The following HDAC8 variants were observed in gnomAD, a reference collection of about 807,000 sequenced individuals.
The protein encoded by HDAC8 is histone deacetylase-like 1.
Under a neutral mutation model 32.2 loss-of-function variants are expected in HDAC8, and 1 was observed. That is an observed-to-expected ratio of 0.03 (90% CI 0.01 to 0.15). HDAC8 has a LOEUF of 0.15. HDAC8 is among the 10% of genes least tolerant of loss of function. The pLI is 1.00. For missense variants in HDAC8, 117 were observed against 300.0 expected (o/e 0.39, Z 4.51); for synonymous variants, 108 against 113.9 (o/e 0.95, Z 0.33).
At chrX:72,404,892 C>T (rs1291109298) in intron 9 of HDAC8, among the ~76,000 whole-genome samples, 1 of 110,758 alleles carries the variant, frequency 9.0e-6, no homozygotes, top group Non-Finnish European at 1.9e-5. Flanking sequence ...CCTGAATCTG[C>T]AGATTGTTGT....
In HDAC8 at chrX:72,572,707, T is replaced by C. The variant is rs782071646; in HGVS notation, c.55A>G (p.Ile19Val). ...DSGQSLVPVY[I>V]YSPEYVSMCD... ...ATACTGACATACTCGGGACTATAGA[T>C]ATAAACCGGGACCAGCGACTGCCCA... The change falls in exon 1 of 11, where the codon ATC becomes GTC. Residue 19 changes from isoleucine (I) to valine (V), a missense_variant. Ile to Val is a conservative substitution (Grantham distance 29). Coordinates refer to ENST00000373573, the MANE Select transcript of HDAC8 (RefSeq NM_018486.3). 2 of 1,182,497 alleles carry C rather than the reference T, an allele frequency of 1.7e-6. No individual in the cohort carries two copies. Among genetic ancestry groups the C allele is most frequent in the Admixed American group, 4.5e-5 (2 of 44,052 alleles).
intron 9 of HDAC8, among the ~76,000 whole-genome samples, chrX:72,354,996 C>T (rs16991536): frequency 0.042 from 4,680 of 111,776 alleles, 244 homozygotes; most frequent in African/African-American, 0.15. Context: ...TCAGGTGAAG[C>T]GCTTAGGGCC....
intron 9 of HDAC8, among the ~76,000 whole-genome samples, chrX:72,450,749 C>T (rs2047549444): frequency 9.0e-6 from 1 of 110,796 alleles, no homozygotes; most frequent in African/African-American, 3.3e-5. Context: ...ATAGTAAGCT[C>T]ACTTCAGTGT....
At chrX:72,424,477 T>C (rs2046576694) in intron 9 of HDAC8, among the ~76,000 whole-genome samples, 2 of 111,854 alleles carry the variant, frequency 1.8e-5, no homozygotes, top group African/African-American at 6.5e-5. Context: ...GACTATAATT[T>C]TCTTGTCTTT....
At chrX:72,491,034 T>G (rs1556009306) in intron 5 of HDAC8, 28 bp from the exon 6 acceptor site, 1 of 1,018,145 alleles carries the variant, frequency 9.8e-7, no homozygotes, top group Non-Finnish European at 1.4e-6. Flanking sequence ...ATCAAAAGAA[T>G]CACTTCACAT....
At chrX:72,377,884 C>T (rs894240877) in intron 9 of HDAC8, among the ~76,000 whole-genome samples, 3 of 110,735 alleles carry the variant, frequency 2.7e-5, no homozygotes, top group African/African-American at 6.6e-5. Flanking sequence ...TTTTGTTGCT[C>T]GATTCCTCCA....
chrX:72,441,998 A>G (rs1274141069), intron 9 of HDAC8, among the ~76,000 whole-genome samples: 1 of 111,368 alleles, frequency 9.0e-6, no homozygotes, highest in East Asian at 2.8e-4. Context: ...AAGAATAAAA[A>G]GAAATGAAAA....
intron 4 of HDAC8, among the ~76,000 whole-genome samples, chrX:72,551,965 A>T (rs182682046): frequency 2.1e-3 from 236 of 112,273 alleles, no homozygotes; most frequent in African/African-American, 7.1e-3. Context: ...CCAATGGGAA[A>T]GCAAATTCCT....
intron 4 of HDAC8, among the ~76,000 whole-genome samples, chrX:72,501,005 G>A (rs2049195711): frequency 9.0e-6 from 1 of 111,395 alleles, no homozygotes; most frequent in Middle Eastern, 4.6e-3. Context: ...AATCATGAAA[G>A]AACTTCCATT....
At chrX:72,372,606 A>C (rs1423879969) in intron 9 of HDAC8, among the ~76,000 whole-genome samples, 1 of 111,254 alleles carries the variant, frequency 9.0e-6, no homozygotes, top group African/African-American at 3.3e-5. Flanking sequence ...GAGAAAGGAG[A>C]TCTGTATCCT....
chrX:72,548,574 G>T (rs2050945867), intron 4 of HDAC8, among the ~76,000 whole-genome samples: 1 of 111,530 alleles, frequency 9.0e-6, no homozygotes, highest in Non-Finnish European at 1.9e-5. Flanking sequence ...CCACCTCCTT[G>T]TCTCACTGGC....
chrX:72,457,446 A>G (rs781967504), intron 9 of HDAC8, among the ~76,000 whole-genome samples: 12 of 112,664 alleles, frequency 1.1e-4, no homozygotes, highest in Non-Finnish European at 2.1e-4. Context: ...GTTTGCATAC[A>G]TGGATTATGC....
intron 9 of HDAC8, among the ~76,000 whole-genome samples, chrX:72,383,796 G>A (rs935552089): frequency 4.0e-4 from 42 of 105,991 alleles, no homozygotes; most frequent in African/African-American, 1.4e-3. Context: ...TGTGAACCCG[G>A]GAGGCGGAGC....
At chrX:72,373,465 T>C (rs1290993311) in intron 9 of HDAC8, among the ~76,000 whole-genome samples, 2 of 112,677 alleles carry the variant, frequency 1.8e-5, no homozygotes, top group Non-Finnish European at 3.7e-5. Context: ...AATGGAATAA[T>C]AGAATATGTG....
chrX:72,503,012 C>T (rs1569351163), intron 4 of HDAC8, among the ~76,000 whole-genome samples: 2 of 112,222 alleles, frequency 1.8e-5, no homozygotes, highest in African/African-American at 6.5e-5. Context: ...AGAAACTACA[C>T]CTCTTTGTCA....
chrX:72,461,061 A>T (rs1328797459), intron 9 of HDAC8, among the ~76,000 whole-genome samples: 6 of 112,301 alleles, frequency 5.3e-5, no homozygotes, highest in Non-Finnish European at 7.5e-5. Flanking sequence ...TCTAATTTTT[A>T]AAAAATAATA....
chrX:72,404,035 A>G (rs2045974885), intron 9 of HDAC8, among the ~76,000 whole-genome samples: 1 of 112,210 alleles, frequency 8.9e-6, no homozygotes, highest in African/African-American at 3.2e-5. Context: ...AATAAAATAA[A>G]CAAAAACCTT....
rs1603238499 is a variant in HDAC8, at chrX:72,563,958, G to A, written c.437+3931C>T. Among the ~76,000 whole-genome samples the A allele has an allele frequency of 4.5e-5, 5 of 111,242 alleles. No individual in the cohort carries two copies. In the South Asian group the frequency reaches 1.9e-3, roughly 43 times the overall value. Reference sequence around the variant, plus strand: ...AGGCAGATCATGAGGTCAGGAGTTCGAGACCAGCCTGACCAACACGGTGAA... The same window carrying A: ...AGGCAGATCATGAGGTCAGGAGTTCAAGACCAGCCTGACCAACACGGTGAA... On this transcript the variant is annotated intron_variant, in intron 4 of 10. Coordinates refer to ENST00000373573, the MANE Select transcript of HDAC8 (RefSeq NM_018486.3).
chrX:72,549,142 G>A (rs975868497), intron 4 of HDAC8, among the ~76,000 whole-genome samples: 4 of 111,524 alleles, frequency 3.6e-5, no homozygotes. Flanking sequence ...ATCAGACATT[G>A]CTATTCAAAC....
Sources: gnomAD v4.1 joint callset for allele counts (sites outside exome capture counted in the v4.1 genomes callset) on GRCh38, gnomAD v4.1.1 for gene constraint, MANE v1.5 for transcripts, NCBI Gene and HGNC (gene_info 2026-07-23, HGNC 2026-07-21) for gene names.